KIF24: variants seen among roughly 807,000 people sequenced by gnomAD.
KIF24 encodes kinesin family member 24.
A neutral mutation model predicts 118.9 loss-of-function variants in KIF24; 81 were observed. The ratio of observed to expected loss-of-function variants is 0.68; its 90% CI spans 0.57 to 0.82. KIF24 has a LOEUF of 0.82. Ranked by LOEUF, KIF24 falls within the 40% of genes least tolerant of loss-of-function variation. KIF24 has a pLI of 0.00. For synonymous variants in KIF24, 599 were observed against 610.0 expected, an observed-to-expected ratio of 0.98 and a Z score of 0.27; for missense variants, 1,560 against 1,661.6, an observed-to-expected ratio of 0.94 and a Z score of 1.06.
intron 3 of KIF24, among the ~76,000 whole-genome samples, 168 bp from the exon 4 acceptor site, chr9:34,297,282 T>A (rs1836521020): frequency 6.6e-6 from 1 of 152,214 alleles, no homozygotes; most frequent in African/African-American, 2.4e-5. Flanking sequence ...GGGCCTCCTC[T>A]TACTTGAGAT....
chr9:34,301,987 A>ATTTTT (rs71504112), intron 3 of KIF24, among the ~76,000 whole-genome samples: 1 of 72,472 alleles, frequency 1.4e-5, no homozygotes, highest in Non-Finnish European at 4.3e-5. Context: ...CTATATATGT[A>ATTTTT]TTTTTTTTTC....
At chr9:34,325,344 CAAA>C (rs35972295) in intron 1 of KIF24, among the ~76,000 whole-genome samples, 1 of 118,250 alleles carries the variant, frequency 8.5e-6, no homozygotes, top group Non-Finnish European at 1.7e-5. Flanking sequence ...GACTTCGTCT[CAAA>C]AAAAAAAAAA....
At chr9:34,269,892 C>T (rs60677867) in intron 7 of KIF24, among the ~76,000 whole-genome samples, 4,102 of 151,886 alleles carry the variant, frequency 0.027, 187 homozygotes, top group African/African-American at 0.094. Context: ...AGTTCTAGGC[C>T]AGCCTAAGCA....
rs532369610 is a variant in KIF24, at chr9:34,324,488, C to T, written c.-26+4618G>A. On this transcript the variant is annotated intron_variant, in intron 1 of 12. Transcript: ENST00000402558. ...TCTCCTATCCTTATTTCTACCACCACTGCTCTGGTGATTCAGCCCCATATC... is the reference window on the plus strand; with the variant it reads ...TCTCCTATCCTTATTTCTACCACCATTGCTCTGGTGATTCAGCCCCATATC... 2.7e-4 allele frequency among the ~76,000 whole-genome samples: 41 copies of T among 152,326 alleles called. 1 individual carries two copies. Among genetic ancestry groups the T allele is most frequent in the South Asian group, 1.0e-3 (5 of 4,826 alleles).
intron 1 of KIF24, among the ~76,000 whole-genome samples, chr9:34,322,803 C>A (rs1837564906): frequency 6.6e-6 from 1 of 151,874 alleles, no homozygotes; most frequent in Admixed American, 6.6e-5. Context: ...TTGCAGTGAG[C>A]CAAGATTGCG....
At chr9:34,300,070 T>C (rs573270068) in intron 3 of KIF24, among the ~76,000 whole-genome samples, 1 of 152,252 alleles carries the variant, frequency 6.6e-6, no homozygotes, top group African/African-American at 2.4e-5. Context: ...CCAGTTTGAA[T>C]CTGTTGTGTG....
At position 34,256,297 on chromosome 9, in the gene KIF24, G is replaced by T. The variant is rs756538326; in HGVS notation, c.3310C>A (p.Pro1104Thr). The T allele has an allele frequency of 1.2e-6, 2 of 1,612,224 alleles. No homozygotes were observed. The highest frequency in any genetic ancestry group is 4.5e-5 in the East Asian group (2 of 44,850). Residue 1104 changes from proline to threonine, a missense_variant, in exon 11 of 13, where the codon CCA becomes ACA. Coordinates refer to ENST00000402558, the MANE Select transcript of KIF24 (RefSeq NM_194313.4). ...AGGTGCCTAGTTGCTGAAGACACTG[G>T]CAAGGCTGCCTCTTGATCACCAGAT... ...VPSGDQEAAL[P>T]VSSATRHLWL...
intron 6 of KIF24, among the ~76,000 whole-genome samples, chr9:34,273,487 GAT>G: frequency 1.1e-5 from 1 of 87,052 alleles, no homozygotes; most frequent in East Asian, 3.0e-4. Context: ...ATAAGGCAAA[GAT>G]ACACACAGTC....
At chr9:34,328,769 TAAAC>T (rs1173765751) in intron 1 of KIF24, among the ~76,000 whole-genome samples, 2 of 152,118 alleles carry the variant, frequency 1.3e-5, no homozygotes, top group Admixed American at 1.3e-4. Context: ...TTCCCGGAAG[TAAAC>T]AACCCAAGGG....
intron 4 of KIF24, among the ~76,000 whole-genome samples, chr9:34,296,142 CCGG>C (rs1338970433): frequency 2.1e-4 from 30 of 143,256 alleles, no homozygotes; most frequent in African/African-American, 7.0e-4. Context: ...TGGCGTGAAC[CCGG>C]GAGGCAGAGC....
intron 1 of KIF24, among the ~76,000 whole-genome samples, chr9:34,322,902 C>G (rs920834584): frequency 5.3e-5 from 8 of 152,066 alleles, no homozygotes; most frequent in Non-Finnish European, 1.5e-5. Flanking sequence ...TCAGCATTTT[C>G]AATCAATTTT....
chr9:34,260,212 T>A (rs897158155), intron 9 of KIF24, among the ~76,000 whole-genome samples: 3 of 152,170 alleles, frequency 2.0e-5, no homozygotes, highest in Admixed American at 6.5e-5. Context: ...AAAAAGTATG[T>A]TTTGGTTTGG....
intron 8 of KIF24, among the ~76,000 whole-genome samples, chr9:34,263,885 G>A (rs1835187093): frequency 1.3e-5 from 2 of 151,678 alleles, no homozygotes; most frequent in Non-Finnish European, 2.9e-5. Context: ...AATTAAAAAC[G>A]ACCCTTCATT....
At chr9:34,262,751 C>G (rs769651628) in intron 9 of KIF24, among the ~76,000 whole-genome samples, 26 of 128,380 alleles carry the variant, frequency 2.0e-4, no homozygotes, top group South Asian at 2.6e-4. Flanking sequence ...GTCCCAGCTA[C>G]CTGGGAGGCT....
chr9:34,272,598 G>A (rs141594854), intron 6 of KIF24, among the ~76,000 whole-genome samples: 44 of 152,304 alleles, frequency 2.9e-4, no homozygotes, highest in Middle Eastern at 3.4e-3. Flanking sequence ...AGGGGTATGA[G>A]TGTTAGTTAC....
In KIF24 at chr9:34,252,751, A is replaced by G. The variant is rs1834645208; in HGVS notation, c.*1629T>C. 1 of 152,182 alleles carries G rather than the reference A, an allele frequency of 6.6e-6. No homozygotes were observed. The highest frequency in any genetic ancestry group is 1.5e-5 in the Non-Finnish European group (1 of 68,048). The allele number at this position is 152,182 out of a possible 1,614,324, so 9.4% of individuals were successfully genotyped here. ...CTGGCCCAGCTCCGTCTGTGGACCA[A>G]GGACGTAGGCCTTCCTGACTGTGGA... On this transcript the variant is annotated 3_prime_UTR_variant, in exon 13 of 13. Coordinates refer to ENST00000402558, the MANE Select transcript of KIF24 (RefSeq NM_194313.4).
At chr9:34,281,840 T>C (rs1257361280) in intron 6 of KIF24, among the ~76,000 whole-genome samples, 1 of 152,172 alleles carries the variant, frequency 6.6e-6, no homozygotes, top group Non-Finnish European at 1.5e-5. Context: ...GTCCTCTCCC[T>C]TTTACTCTAG....
At chr9:34,291,284 G>A (rs1394204641) in intron 4 of KIF24, among the ~76,000 whole-genome samples, 1 of 152,174 alleles carries the variant, frequency 6.6e-6, no homozygotes, top group Non-Finnish European at 1.5e-5. Context: ...TGTGGAATAG[G>A]AATAGCGTGA....
In KIF24 at chr9:34,256,012, C is replaced by G. The variant is rs1760975676; in HGVS notation, c.3595G>C (p.Val1199Leu). 6.2e-7 allele frequency: 1 copy of G among 1,613,758 alleles called. No homozygotes were observed. The highest frequency in any genetic ancestry group is 1.3e-5 in the African/African-American group (1 of 74,884). The change falls in exon 11 of 13, where the codon GTA becomes CTA. Residue 1199 changes from valine to leucine, a missense_variant. Around this residue, in one of 3 missense-constraint regions of KIF24, gnomAD observed 591 missense variants for 655.6 expected, o/e 0.90. Coordinates refer to ENST00000402558, the MANE Select transcript of KIF24 (RefSeq NM_194313.4). ...GKPFTTIHMGVPHSGPTLTPR... is the reference protein window; with the variant it reads ...GKPFTTIHMGLPHSGPTLTPR... ...GTGAGTGTAGGTCCAGAATGGGGTACCCCCATATGTATGGTGGTGAAGGGC... is the reference window on the plus strand; with the variant it reads ...GTGAGTGTAGGTCCAGAATGGGGTAGCCCCATATGTATGGTGGTGAAGGGC...
Sources: allele counts gnomAD v4.1 joint callset (sites outside exome capture counted in the v4.1 genomes callset), GRCh38; gene constraint gnomAD v4.1.1; regional missense constraint gnomAD v4.1.1; transcripts MANE v1.5; gene names NCBI Gene and HGNC (gene_info 2026-07-23, HGNC 2026-07-21).